Variants in HS3ST5 observed in about 807,000 individuals in gnomAD.
HS3ST5 encodes heparan sulfate-glucosamine 3-sulfotransferase 5, also known as heparan sulfate glucosamine 3-O-sulfotransferase 5.
In HS3ST5, 10 loss-of-function variants were observed where a neutral mutation model predicts 25.4. The ratio of observed to expected loss-of-function variants is 0.39; its 90% CI spans 0.24 to 0.67. HS3ST5 has a LOEUF of 0.67. Ranked by LOEUF, HS3ST5 falls within the 30% of genes least tolerant of loss-of-function variation. The probability of loss-of-function intolerance (pLI) is 0.44; values close to 1 mark genes in which losing one functional copy is unlikely to be tolerated. For missense variants in HS3ST5, 324 were observed against 420.7 expected (o/e 0.77, Z 2.01); for synonymous variants, 170 against 162.4 (o/e 1.05, Z -0.36).
chr6:114,163,122 G>C (rs1485115057), intron 3 of HS3ST5, among the ~76,000 whole-genome samples: 2 of 152,106 alleles, frequency 1.3e-5, no homozygotes, highest in African/African-American at 4.8e-5. Flanking sequence ...TTTGTGACTT[G>C]TGGTATTTCA....
chr6:114,124,786 C>T (rs1462142810), intron 3 of HS3ST5, among the ~76,000 whole-genome samples: 1 of 152,204 alleles, frequency 6.6e-6, no homozygotes, highest in Non-Finnish European at 1.5e-5. Flanking sequence ...GTATTATTAA[C>T]AATCAGCTAT....
chr6:114,056,073 C>T lies in HS3ST5; in HGVS notation c.*1184G>A, dbSNP rs561508197. The T allele has an allele frequency of 4.3e-4, 66 of 152,230 alleles. No homozygotes were observed. The highest frequency in any genetic ancestry group is 1.6e-3 in the African/African-American group (66 of 41,546). 9.4% of individuals were successfully genotyped at this position (152,230 alleles called of 1,614,324 possible). The stretch of plus-strand genomic sequence containing the variant: ...TCAGCAGCTTTCAGTACAGAGTTTT[C>T]TAATCTTATTTAATTTCTCTACTGG... On this transcript the variant is annotated 3_prime_UTR_variant, in exon 5 of 5. Coordinates refer to ENST00000312719, the MANE Select transcript of HS3ST5 (RefSeq NM_153612.4).
chr6:114,063,378 A>G (rs1192220710), intron 3 of HS3ST5, among the ~76,000 whole-genome samples: 2 of 152,152 alleles, frequency 1.3e-5, no homozygotes, highest in East Asian at 3.9e-4. Context: ...AGCTGGGCAC[A>G]GTGGTGGGCC....
chr6:114,269,003 T>C (rs972696708), intron 1 of HS3ST5, among the ~76,000 whole-genome samples: 6 of 152,246 alleles, frequency 3.9e-5, no homozygotes, highest in East Asian at 1.9e-4. Flanking sequence ...TTATGGGCTA[T>C]TAGACTGCTA....
At chr6:114,079,644 G>A (rs1363790669) in intron 3 of HS3ST5, among the ~76,000 whole-genome samples, 1 of 152,194 alleles carries the variant, frequency 6.6e-6, no homozygotes, top group African/African-American at 2.4e-5. Context: ...CACCTTTCAT[G>A]AATCACAGAA....
intron 3 of HS3ST5, among the ~76,000 whole-genome samples, chr6:114,089,921 A>G (rs1481266876): frequency 6.6e-6 from 1 of 152,218 alleles, no homozygotes; most frequent in African/African-American, 2.4e-5. Context: ...TAATATAACA[A>G]TAATCGGAAT....
chr6:114,312,643 AT>A (rs58776599), intron 1 of HS3ST5, among the ~76,000 whole-genome samples: 5,400 of 152,248 alleles, frequency 0.035, 321 homozygotes, highest in African/African-American at 0.12. Flanking sequence ...CAAAAGACCT[AT>A]ATCCAGAAGT....
At chr6:114,185,446 A>G (rs533415792) in intron 2 of HS3ST5, among the ~76,000 whole-genome samples, 3 of 152,170 alleles carry the variant, frequency 2.0e-5, no homozygotes, top group Non-Finnish European at 4.4e-5. Flanking sequence ...CTGATCTTGG[A>G]CTTTCAGCTT....
intron 3 of HS3ST5, among the ~76,000 whole-genome samples, chr6:114,146,223 A>G (rs958997205): frequency 1.3e-5 from 2 of 152,358 alleles, no homozygotes; most frequent in East Asian, 1.9e-4. Flanking sequence ...AGACAGCTAA[A>G]TAGAATATTT....
At chr6:114,320,918 A>C (rs201222952) in intron 1 of HS3ST5, among the ~76,000 whole-genome samples, 22,023 of 122,398 alleles carry the variant, frequency 0.18, 1,649 homozygotes, top group Middle Eastern at 0.27. Flanking sequence ...CTCTCTCTAT[A>C]TATATATATA....
intron 2 of HS3ST5, among the ~76,000 whole-genome samples, chr6:114,201,038 G>A (rs1519681): frequency 0.22 from 33,539 of 152,116 alleles, 3,731 homozygotes; most frequent in East Asian, 0.26. Flanking sequence ...GCTCCTCTAC[G>A]AACAGAGCAG....
chr6:114,338,790 A>G (rs1776711452), intron 1 of HS3ST5, among the ~76,000 whole-genome samples: 1 of 151,978 alleles, frequency 6.6e-6, no homozygotes, highest in Non-Finnish European at 1.5e-5. Context: ...TAGATACCAG[A>G]AAATATATAC....
intron 1 of HS3ST5, among the ~76,000 whole-genome samples, chr6:114,308,573 C>T (rs1335779908): frequency 6.6e-6 from 1 of 152,026 alleles, no homozygotes; most frequent in Non-Finnish European, 1.5e-5. Context: ...GGTGACAGAG[C>T]AAGACTCTGT....
At chr6:114,204,283 G>C (rs1229658779) in intron 2 of HS3ST5, among the ~76,000 whole-genome samples, 1 of 152,136 alleles carries the variant, frequency 6.6e-6, no homozygotes, top group Non-Finnish European at 1.5e-5. Context: ...TGACCTTGAG[G>C]CTTCTTCAGT....
chr6:114,060,889 A>G (rs1046421723), intron 4 of HS3ST5, among the ~76,000 whole-genome samples: 1 of 152,202 alleles, frequency 6.6e-6, no homozygotes, highest in African/African-American at 2.4e-5. Flanking sequence ...TTCTGAAAGC[A>G]TGGATTCTGA....
At chr6:114,126,857 G>A (rs1373949458) in intron 3 of HS3ST5, among the ~76,000 whole-genome samples, 1 of 152,174 alleles carries the variant, frequency 6.6e-6, no homozygotes, top group Admixed American at 6.5e-5. Context: ...CAGATGCACA[G>A]GAAGCCATGA....
rs573380051 is a variant in HS3ST5, at chr6:114,170,240, A to T, written c.-144-1778T>A. The stretch of plus-strand genomic sequence containing the variant: ...GAAAAACTAGCTGATGATTTTTTTT[A>T]AAAAATACAAATTTATATATGTATG... On this transcript the variant is annotated intron_variant, in intron 2 of 4. Coordinates refer to ENST00000312719, the MANE Select transcript of HS3ST5 (RefSeq NM_153612.4). 1.6e-4 allele frequency among the ~76,000 whole-genome samples: 25 copies of T among 152,236 alleles called. No individual in the cohort carries two copies. In the East Asian group the frequency reaches 3.7e-3, roughly 22 times the overall value.
chr6:114,125,613 T>G (rs1777000386), intron 3 of HS3ST5, among the ~76,000 whole-genome samples: 1 of 152,210 alleles, frequency 6.6e-6, no homozygotes, highest in Non-Finnish European at 1.5e-5. Flanking sequence ...TGGAGCCTTA[T>G]ATCACATATT....
At position 114,177,873 on chromosome 6, in the gene HS3ST5, G is replaced by T. The variant is rs561364701; in HGVS notation, c.-144-9411C>A. ...GAAGGAAATTTACTGAAATAAGAATGTTTTTTCATAGCTGAGAAAAAGTAG... is the reference window on the plus strand; with the variant it reads ...GAAGGAAATTTACTGAAATAAGAATTTTTTTTCATAGCTGAGAAAAAGTAG... On this transcript the variant is annotated intron_variant, in intron 2 of 4. Transcript: ENST00000312719. 1.4e-4 allele frequency among the ~76,000 whole-genome samples: 21 copies of T among 152,232 alleles called. No homozygotes were observed. In the South Asian group the frequency reaches 1.9e-3, roughly 14 times the overall value.
Sources: allele counts gnomAD v4.1 joint callset (sites outside exome capture counted in the v4.1 genomes callset), GRCh38; gene constraint gnomAD v4.1.1; transcripts MANE v1.5; gene names NCBI Gene and HGNC (gene_info 2026-07-23, HGNC 2026-07-21).